ADCY8: variants seen among roughly 807,000 people sequenced by gnomAD.
ADCY8 encodes adenylate cyclase 8, also known as adenylate cyclase type 8.
ADCY8 carries 51 observed loss-of-function variants against 119.7 expected under a neutral mutation model. That is an observed-to-expected ratio of 0.43 (90% CI 0.34 to 0.54). The LOEUF (loss-of-function observed/expected upper bound fraction) is 0.54, where lower values mean the gene tolerates loss of function less well. Ranked by LOEUF, ADCY8 falls within the 20% of genes least tolerant of loss-of-function variation. The probability of loss-of-function intolerance (pLI) is 0.03; values close to 1 mark genes in which losing one functional copy is unlikely to be tolerated. For missense variants in ADCY8, 1,383 were observed against 1,598.8 expected (o/e 0.87, Z 2.30); for synonymous variants, 665 against 651.0 (o/e 1.02, Z -0.33).
intron 10 of ADCY8, among the ~76,000 whole-genome samples, chr8:130,848,251 G>A (rs1817394792): frequency 6.6e-6 from 1 of 152,190 alleles, no homozygotes; most frequent in Non-Finnish European, 1.5e-5. Flanking sequence ...CTGAGGCACA[G>A]TTGGCCTCAG....
intron 1 of ADCY8, among the ~76,000 whole-genome samples, chr8:130,996,893 A>T (rs1277781664): frequency 3.9e-5 from 6 of 152,172 alleles, no homozygotes; most frequent in Admixed American, 2.6e-4. Context: ...CATGTTGCAA[A>T]ATTTGACTCA....
intron 17 of ADCY8, among the ~76,000 whole-genome samples, chr8:130,781,601 C>T (rs1815081407): frequency 1.3e-5 from 2 of 152,196 alleles, no homozygotes; most frequent in South Asian, 4.1e-4. Context: ...CCACTCTCTT[C>T]CTTACTGCTG....
intron 15 of ADCY8, among the ~76,000 whole-genome samples, chr8:130,793,328 T>C (rs1181527270): frequency 1.3e-5 from 2 of 152,172 alleles, no homozygotes; most frequent in Non-Finnish European, 2.9e-5. Flanking sequence ...TTTTTTGAGA[T>C]GCAAAACTTT....
chr8:130,860,315 C>T (rs947425919), intron 9 of ADCY8, among the ~76,000 whole-genome samples: 28 of 152,168 alleles, frequency 1.8e-4, no homozygotes, highest in African/African-American at 6.8e-4. Context: ...TTTTCCCAGA[C>T]ACATGTTTTA....
chr8:130,855,117 CTT>C (rs750380802), intron 9 of ADCY8, among the ~76,000 whole-genome samples: 19 of 62,566 alleles, frequency 3.0e-4, no homozygotes, highest in South Asian at 1.7e-3. Context: ...CTCTCTCTCT[CTT>C]TTTTTTTTTT....
chr8:130,830,230 C>A (rs969807887), intron 12 of ADCY8, among the ~76,000 whole-genome samples: 1 of 152,110 alleles, frequency 6.6e-6, no homozygotes, highest in Non-Finnish European at 1.5e-5. Flanking sequence ...AAGCTGCAGA[C>A]ATAGATGCTG....
intron 1 of ADCY8, among the ~76,000 whole-genome samples, chr8:131,022,028 T>C (rs1467372228): frequency 1.3e-5 from 2 of 152,208 alleles, no homozygotes; most frequent in Non-Finnish European, 2.9e-5. Context: ...TTTTTGTTAG[T>C]AGGGATCTGG....
intron 10 of ADCY8, among the ~76,000 whole-genome samples, chr8:130,848,215 C>T (rs577955616): frequency 3.3e-5 from 5 of 152,290 alleles, no homozygotes; most frequent in Admixed American, 3.3e-4. Flanking sequence ...ACTCCAAAGC[C>T]TCTGATCTTC....
At chr8:130,975,871 C>A (rs748598398) in intron 2 of ADCY8, among the ~76,000 whole-genome samples, 1 of 152,106 alleles carries the variant, frequency 6.6e-6, no homozygotes, top group African/African-American at 2.4e-5. Flanking sequence ...GTGTTGTTAG[C>A]TATTGGACAA....
intron 7 of ADCY8, among the ~76,000 whole-genome samples, chr8:130,893,658 GT>G (rs1482348073): frequency 2.9e-4 from 2 of 6,822 alleles, no homozygotes; most frequent in African/African-American, 1.5e-3. Flanking sequence ...GGAGAAGAAG[GT>G]GTGTGTGTGT....
intron 5 of ADCY8, among the ~76,000 whole-genome samples, chr8:130,926,181 T>C (rs910118321): frequency 6.6e-6 from 1 of 152,072 alleles, no homozygotes; most frequent in Non-Finnish European, 1.5e-5. Context: ...CACACATATA[T>C]ACCACACAGG....
At chr8:130,906,197 A>G (rs1439889349) in intron 6 of ADCY8, among the ~76,000 whole-genome samples, 5 of 152,230 alleles carry the variant, frequency 3.3e-5, no homozygotes, top group African/African-American at 1.2e-4. Flanking sequence ...ACTCAATAAT[A>G]TTGACCTGGG....
intron 7 of ADCY8, among the ~76,000 whole-genome samples, chr8:130,894,713 A>G (rs1819323473): frequency 6.6e-6 from 1 of 152,162 alleles, no homozygotes; most frequent in South Asian, 2.1e-4. Context: ...AAGTACATAT[A>G]TAAGTACCGT....
At position 130,782,216 on chromosome 8, in the gene ADCY8, T is replaced by C. The variant is rs78907054; in HGVS notation, c.3269-1339A>G. 5.8e-3 allele frequency among the ~76,000 whole-genome samples: 879 copies of C among 152,222 alleles called. 9 individuals carry two copies. The highest frequency in any genetic ancestry group is 0.02 in the African/African-American group (848 of 41,526). On this transcript the variant is annotated intron_variant, in intron 17 of 17. Coordinates refer to ENST00000286355, the MANE Select transcript of ADCY8 (RefSeq NM_001115.3). The stretch of plus-strand genomic sequence containing the variant: ...AGACACGTATACCCACTGATATAAG[T>C]GACTGGAAATTTGAAAATCTCACTC...
At chr8:130,864,505 C>G (rs1003551849) in intron 9 of ADCY8, among the ~76,000 whole-genome samples, 2 of 151,974 alleles carry the variant, frequency 1.3e-5, no homozygotes, top group Non-Finnish European at 2.9e-5. Context: ...TGAAATCATC[C>G]CAGAGTTCTT....
rs116358284 is a variant in ADCY8, at chr8:130,961,969, T to C, written c.1111-9971A>G. Among the ~76,000 whole-genome samples the C allele has an allele frequency of 9.2e-3, 1,394 of 152,294 alleles. 17 individuals are homozygous for C. The highest frequency in any genetic ancestry group is 0.034 in the Middle Eastern group (10 of 294). ...CAGCCTGGGCAACAGAGTGAGACTCTGTCTCTAAAAAGAAAACAACATTAT... is the reference window on the plus strand; with the variant it reads ...CAGCCTGGGCAACAGAGTGAGACTCCGTCTCTAAAAAGAAAACAACATTAT... On this transcript the variant is annotated intron_variant, in intron 2 of 17. Coordinates refer to ENST00000286355, the MANE Select transcript of ADCY8 (RefSeq NM_001115.3).
rs1370074492 is a variant in ADCY8 at position 130,873,772 on chromosome 8, C to T, written c.2110-5826G>A. 3.9e-5 allele frequency among the ~76,000 whole-genome samples: 6 copies of T among 152,052 alleles called. No homozygotes were observed. In the East Asian group the frequency reaches 1.2e-3, roughly 29 times the overall value. ...GCTGTTAACTCCTGCTTGAATATTT[C>T]CAGTGTTGGGGGAAATCAAGTCCTC... On this transcript the variant is annotated intron_variant, in intron 8 of 17. Transcript: ENST00000286355.
At chr8:130,952,032 C>T (rs1821290386) in intron 2 of ADCY8, 34 bp from the exon 3 acceptor site, 2 of 1,609,792 alleles carry the variant, frequency 1.2e-6, no homozygotes, top group African/African-American at 1.3e-5. Context: ...TCCTGTTAGG[C>T]TGACCAGCGA....
chr8:130,994,199 A>G (rs2130749222), intron 1 of ADCY8, among the ~76,000 whole-genome samples: 1 of 152,360 alleles, frequency 6.6e-6, no homozygotes, highest in East Asian at 1.9e-4. Flanking sequence ...TAGGACATGG[A>G]CACAATTAAC....
Sources: gnomAD v4.1 joint callset for allele counts (sites outside exome capture counted in the v4.1 genomes callset) on GRCh38, gnomAD v4.1.1 for gene constraint, MANE v1.5 for transcripts, NCBI Gene and HGNC (gene_info 2026-07-23, HGNC 2026-07-21) for gene names.